Variants in ADCY10 observed in about 807,000 individuals in gnomAD.
ADCY10 encodes the protein adenylate cyclase 10, also known as adenylate cyclase type 10.
In ADCY10, 156 loss-of-function variants were observed where a neutral mutation model predicts 183.3. The observed-to-expected ratio is 0.85, with a 90% CI of 0.75 to 0.97. The LOEUF (loss-of-function observed/expected upper bound fraction) is 0.97. Among genes scored for constraint, ADCY10 ranks in the 50% least tolerant of loss-of-function variants. The pLI, the probability that ADCY10 is intolerant of heterozygous loss-of-function variation, is 0.00. For missense variants in ADCY10, 1,745 were observed against 1,934.3 expected (o/e 0.90, Z 1.84); for synonymous variants, 645 against 670.0 (o/e 0.96, Z 0.58).
intron 6 of ADCY10, among the ~76,000 whole-genome samples, chr1:167,898,754 C>A (rs1669188321): frequency 1.3e-5 from 2 of 152,104 alleles, no homozygotes; most frequent in South Asian, 4.1e-4. Flanking sequence ...GGAGTGCCTC[C>A]TATCTTGACC....
chr1:167,897,996 T>TAA (rs1669123014), intron 6 of ADCY10, among the ~76,000 whole-genome samples: 1 of 3,464 alleles, frequency 2.9e-4, no homozygotes, highest in Non-Finnish European at 1.1e-3. Context: ...AGACTCTGTC[T>TAA]CAAAAAAAAA....
chr1:167,878,686 C>A, intron 11 of ADCY10, 51 bp from the exon 12 acceptor site: 1 of 1,558,046 alleles, frequency 6.4e-7, no homozygotes, highest in Non-Finnish European at 8.8e-7. Context: ...AGGCATTGAA[C>A]TGAATGTAAT....
At chr1:167,820,548 T>A in intron 30 of ADCY10, 1 of 320,746 alleles carries the variant, frequency 3.1e-6, no homozygotes, top group Non-Finnish European at 5.6e-6. Flanking sequence ...TTCCTTAACC[T>A]TTAACTCACA....
chr1:167,853,345 C>T (rs1010269055), intron 18 of ADCY10, among the ~76,000 whole-genome samples: 4 of 152,018 alleles, frequency 2.6e-5, no homozygotes, highest in Non-Finnish European at 1.5e-5. Context: ...ATGTGTAAAA[C>T]AAACAGAAGA....
chr1:167,850,116 T>G (rs113950698), intron 18 of ADCY10, among the ~76,000 whole-genome samples: 2,139 of 152,116 alleles, frequency 0.014, 48 homozygotes, highest in African/African-American at 0.049. Flanking sequence ...AAGCAGCATA[T>G]GGAAAAGGCG....
At chr1:167,901,979 C>A in intron 4 of ADCY10, 37 bp downstream of exon 4, 2 of 1,613,156 alleles carry the variant, frequency 1.2e-6, no homozygotes, top group African/African-American at 1.3e-5. Flanking sequence ...CCTCAGCACT[C>A]CTTTCTTACC....
rs187302904 is a variant in ADCY10 at position 167,841,629 on chromosome 1, G to A, written c.3007+3934C>T. On this transcript the variant is annotated intron_variant, in intron 21 of 32. Coordinates refer to ENST00000367851, the MANE Select transcript of ADCY10 (RefSeq NM_018417.6). ...CTCAAGCAATACTCTTGAGTAGCTGGGACTACAGGCACAAGCCATCGCACC... is the reference window on the plus strand; with the variant it reads ...CTCAAGCAATACTCTTGAGTAGCTGAGACTACAGGCACAAGCCATCGCACC... 2.1e-4 allele frequency among the ~76,000 whole-genome samples: 32 copies of A among 150,320 alleles called. No individual in the cohort carries two copies. The East Asian group carries it at 4.5e-3, about 21-fold the overall frequency.
chr1:167,854,403 T>G lies in ADCY10; in HGVS notation c.2258A>C (p.Gln753Pro). Residue 753 changes from glutamine (Q) to proline (P), a missense_variant, in exon 18 of 33, where the codon CAA (glutamine) becomes CCA (proline). By Grantham distance (76) the Gln-to-Pro change is moderately conservative (BLOSUM62 -1). Coordinates refer to ENST00000367851, the MANE Select transcript of ADCY10 (RefSeq NM_018417.6). ...TGTCTTTTCCTCAGACTCCGTTTGT[T>G]GGAAAACGAGTACCTCATGATGTTC... ...NLEHHEVLVF[Q>P]QTESEEKTNR... 6.2e-7 allele frequency: 1 copy of G among 1,614,246 alleles called. No homozygotes were observed. Among genetic ancestry groups the G allele is most frequent in the Non-Finnish European group, 8.5e-7 (1 of 1,180,034 alleles).
intron 12 of ADCY10, among the ~76,000 whole-genome samples, chr1:167,876,185 A>G (rs1361226274): frequency 6.6e-6 from 1 of 151,662 alleles, no homozygotes; most frequent in Non-Finnish European, 1.5e-5. Context: ...TGAACCCAAG[A>G]GACAGAGGTT....
In ADCY10 at chr1:167,880,403, T is replaced by C; in HGVS notation, c.1139+88A>G. 4 of 1,086,898 alleles carry C rather than the reference T, an allele frequency of 3.7e-6. No homozygotes were observed. In the South Asian group the frequency reaches 5.0e-5, roughly 14 times the overall value. The allele number at this position is 1,086,898 out of a possible 1,614,324, so 67.3% of individuals were successfully genotyped here. A position where few individuals can be genotyped will look rare whatever the true frequency, so the allele number is the denominator to read the frequency against. On this transcript the variant is annotated intron_variant, in intron 10 of 32. Coordinates refer to ENST00000367851, the MANE Select transcript of ADCY10 (RefSeq NM_018417.6). Reference sequence around the variant, plus strand: ...ACAGGACTAAGTTCTTAATTAATTCTTCTTTCTTTCCTGTTCCCTGCATGC... The same window carrying C: ...ACAGGACTAAGTTCTTAATTAATTCCTCTTTCTTTCCTGTTCCCTGCATGC...
In ADCY10 at chr1:167,809,720, GT is replaced by G. The variant is rs753500756; in HGVS notation, c.4790del (p.Asn1597ThrfsTer4). 1 of 1,614,070 alleles carries G rather than the reference GT, an allele frequency of 6.2e-7. No homozygotes were observed. The highest frequency in any genetic ancestry group is 8.5e-7 in the Non-Finnish European group (1 of 1,179,962). Reference protein sequence around the residue: ...GRVNIQDLQKNKFLMRANTVD... With the variant: ...GRVNIQDLQKXKFLMRANTVD... ...CGGTATTAGCTCTCATCAGGAATTT[GT>G]TTTTTTGAAGATCCTGAATGTTTAC... On this transcript the variant is annotated frameshift_variant, in exon 33 of 33. Coordinates refer to ENST00000367851, the MANE Select transcript of ADCY10 (RefSeq NM_018417.6). LOFTEE classifies it high-confidence loss of function.
chr1:167,832,574 C>A (rs1248612671), intron 25 of ADCY10, among the ~76,000 whole-genome samples: 1 of 152,102 alleles, frequency 6.6e-6, no homozygotes, highest in African/African-American at 2.4e-5. Flanking sequence ...TCAGGGCTTG[C>A]TATTTTTCTT....
intron 10 of ADCY10, 61 bp downstream of exon 10, chr1:167,880,430 C>A: frequency 8.2e-7 from 1 of 1,225,426 alleles, no homozygotes; most frequent in South Asian, 1.2e-5. Flanking sequence ...CCTGCATGCC[C>A]TCCCTACTTA....
intron 8 of ADCY10, among the ~76,000 whole-genome samples, chr1:167,887,768 A>T (rs1001285467): frequency 2.6e-5 from 4 of 151,586 alleles, no homozygotes; most frequent in African/African-American, 9.7e-5. Flanking sequence ...TTTATCTGAT[A>T]AAATAATTCT....
intron 25 of ADCY10, among the ~76,000 whole-genome samples, chr1:167,830,280 T>A (rs1663617557): frequency 6.6e-6 from 1 of 152,022 alleles, no homozygotes. Flanking sequence ...ACAGGGACTG[T>A]TTCTGTGGTT....
At chr1:167,869,626 T>C (rs1666953177) in intron 14 of ADCY10, among the ~76,000 whole-genome samples, 1 of 152,146 alleles carries the variant, frequency 6.6e-6, no homozygotes, top group Admixed American at 6.5e-5. Context: ...TTCCACACAT[T>C]GTATGGAAGG....
intron 21 of ADCY10, among the ~76,000 whole-genome samples, chr1:167,844,382 C>T (rs767942598): frequency 2.0e-5 from 3 of 152,192 alleles, no homozygotes; most frequent in Non-Finnish European, 4.4e-5. Flanking sequence ...ACAACATGCT[C>T]GTCCCACTGT....
intron 6 of ADCY10, among the ~76,000 whole-genome samples, chr1:167,898,044 A>G (rs1669131361): frequency 6.7e-6 from 1 of 148,362 alleles, no homozygotes; most frequent in South Asian, 2.2e-4. Context: ...ATGCAATGTG[A>G]GATCATGCAT....
At chr1:167,886,435 C>T (rs1419315446) in intron 8 of ADCY10, among the ~76,000 whole-genome samples, 2 of 152,102 alleles carry the variant, frequency 1.3e-5, no homozygotes, top group African/African-American at 4.8e-5. Flanking sequence ...CTGAAAAAGA[C>T]AAGAAATAGG....
Sources: allele counts gnomAD v4.1 joint callset (sites outside exome capture counted in the v4.1 genomes callset), GRCh38; gene constraint gnomAD v4.1.1; transcripts MANE v1.5; gene names NCBI Gene and HGNC (gene_info 2026-07-23, HGNC 2026-07-21).